The following ST7 variants were observed in gnomAD, a reference collection of about 807,000 sequenced individuals.
The protein encoded by ST7 is suppressor of tumorigenicity 7 protein.
A neutral mutation model predicts 78.7 loss-of-function variants in ST7; 28 were observed. The ratio of observed to expected loss-of-function variants is 0.36; its 90% CI spans 0.26 to 0.49. The LOEUF (loss-of-function observed/expected upper bound fraction) is 0.49, where lower values mean the gene tolerates loss of function less well. Among genes scored for constraint, ST7 ranks in the 20% least tolerant of loss-of-function variants. The pLI is 0.99. For missense variants in ST7, 418 were observed against 696.0 expected (o/e 0.60, Z 4.49); for synonymous variants, 247 against 249.6 (o/e 0.99, Z 0.10).
chr7:117,031,838 A>ATGTG (rs1430263497), intron 1 of ST7, among the ~76,000 whole-genome samples: 1,492 of 121,776 alleles, frequency 0.012, 64 homozygotes, highest in East Asian at 0.065. Context: ...CTATATCTAT[A>ATGTG]TCTATATCTA....
rs140960482 is a variant in ST7, at chr7:117,071,754, A to T, written c.152-28008A>T. Among the ~76,000 whole-genome samples the T allele has an allele frequency of 2.0e-5, 3 of 152,352 alleles. No individual in the cohort carries two copies. The East Asian group carries it at 5.8e-4, about 29-fold the overall frequency. Reference sequence around the variant, plus strand: ...AAGTTATCACTGAGGAAGCTGCATGACATAGCTTGTTCTCCAGATGTCATT... The same window carrying T: ...AAGTTATCACTGAGGAAGCTGCATGTCATAGCTTGTTCTCCAGATGTCATT... On this transcript the variant is annotated intron_variant, in intron 1 of 15. Transcript: ENST00000323984.
intron 9 of ST7, among the ~76,000 whole-genome samples, chr7:117,140,415 G>A (rs1302562797): frequency 6.6e-6 from 1 of 152,066 alleles, no homozygotes; most frequent in Non-Finnish European, 1.5e-5. Flanking sequence ...TGGGGATAAT[G>A]ATTCTTACCT....
At position 116,972,340 on chromosome 7, in the gene ST7, A is replaced by G. The variant is rs532208489; in HGVS notation, c.151+18649A>G. The G allele has an allele frequency of 3.7e-4, 223 of 607,882 alleles. 1 individual carries two copies. The African/African-American group carries it at 3.8e-3, about 10-fold the overall frequency. The allele number at this position is 607,882 out of a possible 1,614,324, so 37.7% of individuals were successfully genotyped here. ...TCCCTCCTTGAATTTATCAGTAAGA[A>G]TCTTGATCTCTTTCTCATATTTGTC... On this transcript the variant is annotated intron_variant, in intron 1 of 15. Coordinates refer to ENST00000323984, the MANE Select transcript of ST7 (RefSeq NM_001369598.1).
intron 13 of ST7, 92 bp downstream of exon 13, chr7:117,210,029 C>T (rs1792155381): frequency 7.1e-7 from 1 of 1,410,570 alleles, no homozygotes; most frequent in Admixed American, 2.2e-5. Flanking sequence ...TGAAGATTTA[C>T]ATATGTACTG....
intron 9 of ST7, among the ~76,000 whole-genome samples, chr7:117,160,064 G>A (rs1807006642): frequency 1.3e-5 from 2 of 151,444 alleles, no homozygotes; most frequent in Non-Finnish European, 2.9e-5. Context: ...AGCCGGGTGT[G>A]TGGCTAATTT....
intron 11 of ST7, among the ~76,000 whole-genome samples, chr7:117,189,685 TA>T (rs1611061): frequency 0.13 from 19,407 of 152,176 alleles, 2,337 homozygotes; most frequent in African/African-American, 0.31. Context: ...GCTTGGGACT[TA>T]ACACAGAATA....
At chr7:117,160,268 A>G (rs974440893) in intron 9 of ST7, among the ~76,000 whole-genome samples, 1 of 151,412 alleles carries the variant, frequency 6.6e-6, no homozygotes, top group Non-Finnish European at 1.5e-5. Flanking sequence ...AGAAAACAAA[A>G]CTATTCACAT....
chr7:117,202,229 TGGGA>T (rs1810931652), intron 12 of ST7, among the ~76,000 whole-genome samples: 1 of 20,636 alleles, frequency 4.8e-5, no homozygotes, highest in African/African-American at 1.2e-4. Context: ...CCCAAAGTGC[TGGGA>T]TTACAGGCGT....
intron 13 of ST7, among the ~76,000 whole-genome samples, chr7:117,213,940 C>T (rs17139470): frequency 1.3e-5 from 2 of 152,154 alleles, no homozygotes; most frequent in Admixed American, 6.5e-5. Context: ...AACGAAGGGT[C>T]TCGTTTGAAC....
intron 1 of ST7, among the ~76,000 whole-genome samples, chr7:117,096,371 GCTCACAGGGGA>G (rs1275462467): frequency 2.0e-5 from 3 of 152,160 alleles, no homozygotes; most frequent in Non-Finnish European, 4.4e-5. Context: ...GAAATGACAA[GCTCACAGGGGA>G]CTTATCTAGA....
At chr7:117,099,886 G>C in intron 2 of ST7, 42 bp downstream of exon 2, 1 of 1,464,916 alleles carries the variant, frequency 6.8e-7, no homozygotes, top group South Asian at 1.2e-5. Flanking sequence ...ATGCTGATTA[G>C]TAATATGTGT....
At chr7:117,207,964 G>A (rs1791933877) in intron 12 of ST7, among the ~76,000 whole-genome samples, 1 of 151,938 alleles carries the variant, frequency 6.6e-6, no homozygotes, top group African/African-American at 2.4e-5. Flanking sequence ...TAGCCTCGGG[G>A]TCCTTTAAGA....
chr7:117,127,798 A>C (rs1803977810), intron 3 of ST7, among the ~76,000 whole-genome samples: 2 of 151,938 alleles, frequency 1.3e-5, no homozygotes, highest in African/African-American at 2.4e-5. Context: ...TCTTAAATAA[A>C]GAGCATCTTT....
chr7:117,092,619 GAGA>G (rs1365132324), intron 1 of ST7, among the ~76,000 whole-genome samples: 1 of 152,204 alleles, frequency 6.6e-6, no homozygotes, highest in African/African-American at 2.4e-5. Context: ...AATGAAATGA[GAGA>G]AGATGATATT....
At chr7:117,072,237 C>G (rs927392812) in intron 1 of ST7, 1 of 152,114 alleles carries the variant, frequency 6.6e-6, no homozygotes, top group Non-Finnish European at 1.5e-5. Flanking sequence ...TGAGTGAGAT[C>G]AACATTTGTC....
chr7:117,005,715 C>T (rs143104635), intron 1 of ST7, among the ~76,000 whole-genome samples: 1 of 151,940 alleles, frequency 6.6e-6, no homozygotes, highest in African/African-American at 2.4e-5. Context: ...GAAAAGTATG[C>T]AGGGCATGTT....
chr7:117,008,371 G>T (rs1563008373), intron 1 of ST7, among the ~76,000 whole-genome samples: 1 of 152,104 alleles, frequency 6.6e-6, no homozygotes, highest in Non-Finnish European at 1.5e-5. Flanking sequence ...TGGTGAACAG[G>T]GTCAGATTTT....
At chr7:117,146,299 A>C (rs1336709439) in intron 9 of ST7, 2 of 152,286 alleles carry the variant, frequency 1.3e-5, no homozygotes, top group East Asian at 1.9e-4. Flanking sequence ...ATGTATTTTC[A>C]AAGGCCCTGA....
At chr7:117,032,328 A>G (rs2116197545) in intron 1 of ST7, among the ~76,000 whole-genome samples, 1 of 152,054 alleles carries the variant, frequency 6.6e-6, no homozygotes, top group South Asian at 2.1e-4. Flanking sequence ...ACTTTATTAT[A>G]TTTATATATA....
Sources: gnomAD v4.1 joint callset for allele counts (sites outside exome capture counted in the v4.1 genomes callset) on GRCh38, gnomAD v4.1.1 for gene constraint, MANE v1.5 for transcripts, NCBI Gene and HGNC (gene_info 2026-07-23, HGNC 2026-07-21) for gene names.